Variants in GRM7 observed in about 807,000 individuals in gnomAD.
The protein encoded by GRM7 is metabotropic glutamate receptor 7.
GRM7 carries 35 observed loss-of-function variants against 84.5 expected under a neutral mutation model. That is an observed-to-expected ratio of 0.41 (90% CI 0.32 to 0.55). The LOEUF is 0.55. GRM7 is among the 20% of genes least tolerant of loss of function. The pLI, the probability that GRM7 is intolerant of heterozygous loss-of-function variation, is 0.19. For synonymous variants in GRM7, 487 were observed against 455.1 expected, an observed-to-expected ratio of 1.07 and a Z score of -0.89; for missense variants, 1,003 against 1,194.6, an observed-to-expected ratio of 0.84 and a Z score of 2.36.
At chr3:6,983,454 T>G (rs1327640650) in intron 1 of GRM7, among the ~76,000 whole-genome samples, 1 of 152,104 alleles carries the variant, frequency 6.6e-6, no homozygotes, top group Admixed American at 6.6e-5. Context: ...TCACTATCCT[T>G]AATGATTTCA....
At chr3:7,658,204 A>T (rs540034377) in intron 8 of GRM7, among the ~76,000 whole-genome samples, 1 of 152,344 alleles carries the variant, frequency 6.6e-6, no homozygotes, top group African/African-American at 2.4e-5. Flanking sequence ...GTCTTGATGG[A>T]TATCATGGTT....
intron 8 of GRM7, among the ~76,000 whole-genome samples, chr3:7,609,547 A>G (rs576597577): frequency 3.3e-5 from 5 of 151,784 alleles, no homozygotes; most frequent in East Asian, 1.9e-4. Context: ...TAGCAGGAGG[A>G]AAAAACAGAG....
intron 8 of GRM7, among the ~76,000 whole-genome samples, chr3:7,651,225 A>T (rs1173954070): frequency 1.3e-5 from 2 of 152,084 alleles, no homozygotes; most frequent in Non-Finnish European, 2.9e-5. Flanking sequence ...CCTGGAAAAG[A>T]ATTAAAGCCA....
chr3:7,237,091 T>G (rs1453949809), intron 2 of GRM7, among the ~76,000 whole-genome samples: 1 of 152,186 alleles, frequency 6.6e-6, no homozygotes, highest in African/African-American at 2.4e-5. Flanking sequence ...CAGGGGGAAT[T>G]TCTTATCTTC....
At chr3:7,303,965 CT>C (rs1385611107) in intron 3 of GRM7, among the ~76,000 whole-genome samples, 1 of 150,096 alleles carries the variant, frequency 6.7e-6, no homozygotes, top group Non-Finnish European at 1.5e-5. Flanking sequence ...TAAGGGAAAA[CT>C]TTTTCATGTG....
intron 8 of GRM7, among the ~76,000 whole-genome samples, chr3:7,584,938 C>A (rs1282807302): frequency 1.3e-5 from 2 of 152,228 alleles, no homozygotes; most frequent in Non-Finnish European, 2.9e-5. Context: ...CATTATCCCA[C>A]ACCCTAAAGA....
At chr3:6,896,742 AT>A (rs5846475) in intron 1 of GRM7, among the ~76,000 whole-genome samples, 28 of 151,590 alleles carry the variant, frequency 1.8e-4, no homozygotes, top group African/African-American at 4.8e-4. Flanking sequence ...CAGGCTGAAG[AT>A]TTTTTTTTCC....
rs1694746230 is a variant in GRM7, at chr3:6,861,342, A to G, written c.-47A>G. On this transcript the variant is annotated 5_prime_UTR_variant, in exon 1 of 10. Coordinates refer to ENST00000357716, the MANE Select transcript of GRM7 (RefSeq NM_000844.4). This position sits in a 1 kb window ranked among gnomAD's most constrained non-coding sequence, Gnocchi z 6.4. Reference sequence around the variant, plus strand: ...GGGCCCGGACCTCGGCGAGCCCACCACCGTTCCCTCCAGCGCCGCCGCCGC... The same window carrying G: ...GGGCCCGGACCTCGGCGAGCCCACCGCCGTTCCCTCCAGCGCCGCCGCCGC... The G allele has an allele frequency of 6.9e-7, 1 of 1,450,608 alleles. No individual in the cohort carries two copies. Among genetic ancestry groups the G allele is most frequent in the African/African-American group, 1.5e-5 (1 of 68,076 alleles). 89.9% of individuals were successfully genotyped at this position (1,450,608 alleles called of 1,614,324 possible).
chr3:7,587,516 A>G (rs1422960360), intron 8 of GRM7, among the ~76,000 whole-genome samples: 3 of 152,186 alleles, frequency 2.0e-5, no homozygotes, highest in Non-Finnish European at 2.9e-5. Flanking sequence ...ATAAGAGCTG[A>G]CACTGGAGAG....
intron 8 of GRM7, among the ~76,000 whole-genome samples, chr3:7,582,063 G>A (rs3828428): frequency 0.32 from 49,241 of 151,968 alleles, 8,539 homozygotes; most frequent in African/African-American, 0.45. Flanking sequence ...TTTAGGTGGC[G>A]TAATGATGCA....
chr3:7,024,906 G>C (rs1302339721), intron 1 of GRM7, among the ~76,000 whole-genome samples: 1 of 152,170 alleles, frequency 6.6e-6, no homozygotes, highest in Non-Finnish European at 1.5e-5. Flanking sequence ...GGCTTAAAAC[G>C]ATGTAAATGT....
intron 8 of GRM7, among the ~76,000 whole-genome samples, chr3:7,613,486 A>C (rs761252817): frequency 1.3e-5 from 2 of 152,166 alleles, no homozygotes; most frequent in Non-Finnish European, 2.9e-5. Context: ...CGCTCAGAAA[A>C]ATAAACATAA....
chr3:7,653,853 C>T (rs1381860070), intron 8 of GRM7, among the ~76,000 whole-genome samples: 1 of 152,088 alleles, frequency 6.6e-6, no homozygotes, highest in Admixed American at 6.6e-5. Context: ...AAAGTTACAC[C>T]CATTTTACAG....
chr3:7,214,382 G>A (rs1166813394), intron 2 of GRM7, among the ~76,000 whole-genome samples: 1 of 152,120 alleles, frequency 6.6e-6, no homozygotes, highest in East Asian at 1.9e-4. Context: ...CTAAGTGTTC[G>A]AGCTTCAGAA....
At chr3:6,911,926 A>G (rs2125018411) in intron 1 of GRM7, among the ~76,000 whole-genome samples, 1 of 152,312 alleles carries the variant, frequency 6.6e-6, no homozygotes, top group Non-Finnish European at 1.5e-5. Context: ...CGTGTCAGCC[A>G]CATTCAAGTC....
At chr3:7,296,090 A>G (rs1450253759) in intron 2 of GRM7, among the ~76,000 whole-genome samples, 4 of 151,640 alleles carry the variant, frequency 2.6e-5, no homozygotes, top group Non-Finnish European at 5.9e-5. Context: ...TATCATAAAT[A>G]TATATATATA....
intron 2 of GRM7, among the ~76,000 whole-genome samples, chr3:7,246,843 C>T (rs895284328): frequency 6.6e-6 from 1 of 152,088 alleles, no homozygotes; most frequent in Non-Finnish European, 1.5e-5. Flanking sequence ...TGAGCTAGAA[C>T]AGTCACTAGC....
At chr3:7,119,317 A>G (rs2125042278) in intron 1 of GRM7, among the ~76,000 whole-genome samples, 1 of 152,194 alleles carries the variant, frequency 6.6e-6, no homozygotes, top group African/African-American at 2.4e-5. Context: ...TTCCTTGAAA[A>G]AAAATTGCAT....
chr3:7,483,297 C>T (rs1457574509), intron 7 of GRM7, among the ~76,000 whole-genome samples: 1 of 152,142 alleles, frequency 6.6e-6, no homozygotes, highest in Non-Finnish European at 1.5e-5. Context: ...TGATGTGATA[C>T]CAAAGGATAC....
Sources: gnomAD v4.1 joint callset for allele counts (sites outside exome capture counted in the v4.1 genomes callset) on GRCh38, gnomAD v4.1.1 for gene constraint, Gnocchi (gnomAD v3.1) non-coding constraint, MANE v1.5 for transcripts, NCBI Gene and HGNC (gene_info 2026-07-23, HGNC 2026-07-21) for gene names.